ATXN1: variants seen among roughly 807,000 people sequenced by gnomAD.
The protein encoded by ATXN1 is ataxin 1.
ATXN1 carries 8 observed loss-of-function variants against 56.4 expected under a neutral mutation model. That is an observed-to-expected ratio of 0.14 (90% CI 0.08 to 0.26). The LOEUF (loss-of-function observed/expected upper bound fraction) is 0.26. ATXN1 is among the 10% of genes least tolerant of loss of function. The probability of loss-of-function intolerance (pLI) is 1.00; values close to 1 mark genes in which losing one functional copy is unlikely to be tolerated. For missense variants in ATXN1, 987 were observed against 1,106.5 expected (o/e 0.89, Z 1.53); for synonymous variants, 514 against 494.6 (o/e 1.04, Z -0.52).
chr6:16,650,880 C>G (rs1763880887), intron 3 of ATXN1, among the ~76,000 whole-genome samples: 1 of 152,158 alleles, frequency 6.6e-6, no homozygotes. Context: ...TCAGAAATGC[C>G]CTGAATCTAT....
At chr6:16,578,679 G>A (rs1268152485) in intron 4 of ATXN1, among the ~76,000 whole-genome samples, 1 of 151,974 alleles carries the variant, frequency 6.6e-6, no homozygotes. Flanking sequence ...GGAAGAGGTA[G>A]CTTTAAAAAG....
chr6:16,641,200 C>G (rs1216889116), intron 3 of ATXN1, among the ~76,000 whole-genome samples: 1 of 152,198 alleles, frequency 6.6e-6, no homozygotes, highest in Non-Finnish European at 1.5e-5. Context: ...GAAGCTGCAG[C>G]AGGTTATCCA....
At chr6:16,346,065 A>AT (rs1387109025) in intron 6 of ATXN1, among the ~76,000 whole-genome samples, 1 of 151,986 alleles carries the variant, frequency 6.6e-6, no homozygotes, top group Non-Finnish European at 1.5e-5. Flanking sequence ...TCTTTTAATT[A>AT]TTTATTTATT....
At chr6:16,423,310 A>G (rs1223133259) in intron 6 of ATXN1, among the ~76,000 whole-genome samples, 2 of 152,160 alleles carry the variant, frequency 1.3e-5, no homozygotes, top group Non-Finnish European at 2.9e-5. Flanking sequence ...TTTTCCTTCC[A>G]GTCACTCCTC....
At chr6:16,712,491 A>C (rs1274101790) in intron 2 of ATXN1, among the ~76,000 whole-genome samples, 2 of 152,168 alleles carry the variant, frequency 1.3e-5, no homozygotes, top group Non-Finnish European at 2.9e-5. Flanking sequence ...GGTATACACC[A>C]AACAGGAAGA....
intron 6 of ATXN1, among the ~76,000 whole-genome samples, chr6:16,374,332 T>C (rs917491571): frequency 6.6e-6 from 1 of 152,224 alleles, no homozygotes; most frequent in African/African-American, 2.4e-5. Context: ...TTCCCTACTA[T>C]AAAAACCATA....
intron 7 of ATXN1, among the ~76,000 whole-genome samples, chr6:16,321,797 T>C (rs553762213): frequency 6.6e-6 from 1 of 152,328 alleles, no homozygotes; most frequent in African/African-American, 2.4e-5. Flanking sequence ...TCAGTACATG[T>C]TCATCTTAAT....
In ATXN1 at chr6:16,387,401, T is replaced by G. The variant is rs562562993; in HGVS notation, c.-160-58931A>C. Among the ~76,000 whole-genome samples, 134 of 152,338 alleles carry G rather than the reference T, an allele frequency of 8.8e-4. No homozygotes were observed. The South Asian group carries it at 0.013, about 15-fold the overall frequency. ...ATGAACTTCTTCACTGAAAGTTCAC[T>G]GTGGAAGACCTCTCCATCAGCCACT... is the stretch of plus-strand genomic sequence containing the variant. On this transcript the variant is annotated intron_variant, in intron 6 of 7. Transcript: ENST00000436367.
chr6:16,320,589 C>G (rs569628392), intron 7 of ATXN1, among the ~76,000 whole-genome samples: 29 of 152,240 alleles, frequency 1.9e-4, no homozygotes, highest in Non-Finnish European at 3.7e-4. Context: ...TAATATAGAA[C>G]GCCGCCAGAT....
At chr6:16,682,310 C>T (rs1043262850) in intron 2 of ATXN1, among the ~76,000 whole-genome samples, 8 of 149,930 alleles carry the variant, frequency 5.3e-5, no homozygotes, top group African/African-American at 2.0e-4. Flanking sequence ...GATTCTCGTG[C>T]CTCAGCCTCC....
At chr6:16,335,143 T>G in intron 6 of ATXN1, among the ~76,000 whole-genome samples, 1 of 152,244 alleles carries the variant, frequency 6.6e-6, no homozygotes, top group East Asian at 1.9e-4. Context: ...TGTGTCAAGG[T>G]GGCTGGCTTG....
At chr6:16,618,708 C>T (rs1216970664) in intron 3 of ATXN1, among the ~76,000 whole-genome samples, 3 of 125,080 alleles carry the variant, frequency 2.4e-5, no homozygotes, top group Non-Finnish European at 3.1e-5. Flanking sequence ...GGTGGCAGAG[C>T]GAGACTCCGT....
At chr6:16,395,988 C>T (rs1282675288) in intron 6 of ATXN1, among the ~76,000 whole-genome samples, 1 of 132,104 alleles carries the variant, frequency 7.6e-6, no homozygotes, top group Non-Finnish European at 1.5e-5. Context: ...GCACTCCAGC[C>T]TGGTGACAGA....
intron 2 of ATXN1, among the ~76,000 whole-genome samples, chr6:16,723,212 C>T (rs1759780972): frequency 1.3e-5 from 2 of 150,796 alleles, no homozygotes; most frequent in Admixed American, 1.3e-4. Context: ...TGGGAGAGAT[C>T]ATTCCTTCCA....
intron 6 of ATXN1, among the ~76,000 whole-genome samples, chr6:16,351,544 A>G (rs1163332047): frequency 6.6e-6 from 1 of 152,042 alleles, no homozygotes; most frequent in Non-Finnish European, 1.5e-5. Context: ...CTGGGACTAC[A>G]GGCGCATGCC....
At chr6:16,556,117 A>G (rs543038224) in intron 4 of ATXN1, among the ~76,000 whole-genome samples, 1 of 152,368 alleles carries the variant, frequency 6.6e-6, no homozygotes, top group East Asian at 1.9e-4. Flanking sequence ...TACAAATGAT[A>G]AAATATTTCA....
intron 3 of ATXN1, among the ~76,000 whole-genome samples, chr6:16,596,541 C>G (rs1234339429): frequency 6.6e-6 from 1 of 152,170 alleles, no homozygotes; most frequent in Non-Finnish European, 1.5e-5. Flanking sequence ...TTAAAAATGA[C>G]TTTGGATTCC....
chr6:16,354,727 C>T (rs1296100926), intron 6 of ATXN1, among the ~76,000 whole-genome samples: 4 of 152,178 alleles, frequency 2.6e-5, no homozygotes, highest in African/African-American at 9.7e-5. Context: ...TTGGAGGCAA[C>T]AAGTAGATCA....
intron 3 of ATXN1, among the ~76,000 whole-genome samples, chr6:16,618,724 A>G (rs1489929218): frequency 7.3e-5 from 11 of 150,880 alleles, no homozygotes; most frequent in Non-Finnish European, 8.9e-5. Flanking sequence ...TCCGTCTCAA[A>G]AAAAAAAAAA....
Sources: allele counts gnomAD v4.1 joint callset (sites outside exome capture counted in the v4.1 genomes callset), GRCh38; gene constraint gnomAD v4.1.1; transcripts MANE v1.5; gene names NCBI Gene and HGNC (gene_info 2026-07-23, HGNC 2026-07-21).